The following CLVS1 variants were observed in gnomAD, a reference collection of about 807,000 sequenced individuals.
The protein encoded by CLVS1 is clavesin 1, also known as clavesin-1.
Under a neutral mutation model 33.1 loss-of-function variants are expected in CLVS1, and 10 were observed. The ratio of observed to expected loss-of-function variants is 0.30; its 90% CI spans 0.19 to 0.51. The LOEUF (loss-of-function observed/expected upper bound fraction) is 0.51. Ranked by LOEUF, CLVS1 falls within the 20% of genes least tolerant of loss-of-function variation. CLVS1 has a pLI of 0.97. For synonymous variants in CLVS1, 163 were observed against 166.1 expected, an observed-to-expected ratio of 0.98 and a Z score of 0.14; for missense variants, 343 against 433.4, an observed-to-expected ratio of 0.79 and a Z score of 1.85.
At chr8:61,484,088 G>A (rs925236062) in intron 5 of CLVS1, among the ~76,000 whole-genome samples, 2 of 152,286 alleles carry the variant, frequency 1.3e-5, no homozygotes, top group Non-Finnish European at 1.5e-5. Context: ...GGAAGTTCTG[G>A]CCAGAGCAAT....
intron 2 of CLVS1, among the ~76,000 whole-genome samples, chr8:61,139,232 G>A (rs933148763): frequency 6.6e-6 from 1 of 152,178 alleles, no homozygotes; most frequent in Admixed American, 6.5e-5. Context: ...AGACACGAAC[G>A]AGGGAGCGCC....
chr8:61,112,123 A>G (rs1805638195), intron 1 of CLVS1, among the ~76,000 whole-genome samples: 1 of 151,946 alleles, frequency 6.6e-6, no homozygotes, highest in Non-Finnish European at 1.5e-5. Flanking sequence ...AATAAGCATG[A>G]TCTGCATTCC....
chr8:61,142,579 A>T (rs1393760475), intron 2 of CLVS1, among the ~76,000 whole-genome samples: 1 of 152,226 alleles, frequency 6.6e-6, no homozygotes, highest in African/African-American at 2.4e-5. Flanking sequence ...AAGCATATCA[A>T]GTTGAGGCTA....
chr8:61,116,150 T>A (rs1263668187), intron 1 of CLVS1, among the ~76,000 whole-genome samples: 3 of 152,042 alleles, frequency 2.0e-5, no homozygotes, highest in Admixed American at 6.6e-5. Flanking sequence ...TTTTCATGTG[T>A]TTTTGGCTGC....
At chr8:61,110,024 C>G (rs1345494407) in intron 1 of CLVS1, among the ~76,000 whole-genome samples, 1 of 152,184 alleles carries the variant, frequency 6.6e-6, no homozygotes, top group Non-Finnish European at 1.5e-5. Flanking sequence ...AAGACATTAG[C>G]CTCACTTCAT....
At chr8:61,292,385 CG>C (rs1810026568) in intron 1 of CLVS1, 1 of 456,058 alleles carries the variant, frequency 2.2e-6, no homozygotes, top group African/African-American at 2.0e-5. Flanking sequence ...AGAAGGGTCA[CG>C]GTTACATGGA....
At chr8:61,216,189 A>G (rs1449041410) in intron 2 of CLVS1, among the ~76,000 whole-genome samples, 1 of 152,168 alleles carries the variant, frequency 6.6e-6, no homozygotes, top group Non-Finnish European at 1.5e-5. Flanking sequence ...TCACAGGATA[A>G]TAGATGAAAT....
chr8:60,991,579 C>T, the CLVS1 span, among the ~76,000 whole-genome samples: 2 of 152,188 alleles, frequency 1.3e-5, no homozygotes, highest in Non-Finnish European at 2.9e-5. Context: ...CAGTCTGCTT[C>T]TGTGTCCTCT....
intron 4 of CLVS1, among the ~76,000 whole-genome samples, chr8:61,456,642 C>T (rs1018258981): frequency 3.9e-5 from 6 of 151,978 alleles, no homozygotes; most frequent in Admixed American, 1.3e-4. Context: ...ATAGGCTGGG[C>T]GCGGTGGCTC....
At chr8:61,068,408 GAC>G (rs1287443012) in intron 1 of CLVS1, among the ~76,000 whole-genome samples, 1 of 151,924 alleles carries the variant, frequency 6.6e-6, no homozygotes, top group Non-Finnish European at 1.5e-5. Flanking sequence ...AAGAAGGAGA[GAC>G]ACACACAGCA....
At chr8:61,480,914 T>A (rs939351940) in intron 5 of CLVS1, among the ~76,000 whole-genome samples, 1 of 152,138 alleles carries the variant, frequency 6.6e-6, no homozygotes, top group Non-Finnish European at 1.5e-5. Context: ...GGTAGTGTGA[T>A]CCGCACTTCT....
At chr8:61,201,186 A>T (rs1168756751) in intron 2 of CLVS1, among the ~76,000 whole-genome samples, 1 of 152,214 alleles carries the variant, frequency 6.6e-6, no homozygotes, top group Non-Finnish European at 1.5e-5. Context: ...TGTATCTCTT[A>T]TCATCTAAGG....
chr8:61,030,455 G>C, the CLVS1 span, among the ~76,000 whole-genome samples: 1 of 150,186 alleles, frequency 6.7e-6, no homozygotes, highest in Non-Finnish European at 1.5e-5. Context: ...TTGGTTATAG[G>C]GAAATAAAGG....
chr8:61,348,331 T>G (rs1812311118), intron 2 of CLVS1, among the ~76,000 whole-genome samples: 3 of 70,748 alleles, frequency 4.2e-5, no homozygotes, highest in Admixed American at 2.1e-4. Flanking sequence ...GGGCCTGTCA[T>G]GGAGTGGGGG....
chr8:60,966,221 C>A, the CLVS1 span: 1 of 366,660 alleles, frequency 2.7e-6, no homozygotes, highest in Non-Finnish European at 5.4e-6. Context: ...ACAAGTGGTA[C>A]CCTAACTAGC....
intron 2 of CLVS1, among the ~76,000 whole-genome samples, chr8:61,260,589 T>C (rs1809182449): frequency 6.6e-6 from 1 of 152,138 alleles, no homozygotes. Context: ...TATTGGTTAA[T>C]AGGATCTGGA....
chr8:61,111,300 C>T (rs1196778191), intron 1 of CLVS1, among the ~76,000 whole-genome samples: 1 of 151,998 alleles, frequency 6.6e-6, no homozygotes, highest in Non-Finnish European at 1.5e-5. Context: ...TTTTAAATGA[C>T]AGTTGATTGC....
chr8:61,459,517 C>T (rs1193843975), intron 5 of CLVS1, among the ~76,000 whole-genome samples: 2 of 146,288 alleles, frequency 1.4e-5, no homozygotes, highest in South Asian at 2.4e-4. Context: ...CTCTTCCCCC[C>T]AAGTCCCCAA....
At chr8:60,973,053 T>A in the CLVS1 span, among the ~76,000 whole-genome samples, 1 of 152,150 alleles carries the variant, frequency 6.6e-6, no homozygotes, top group African/African-American at 2.4e-5. Flanking sequence ...CAGTGTTGCT[T>A]CTGTTGGTCA....
Sources: gnomAD v4.1 joint callset for allele counts (sites outside exome capture counted in the v4.1 genomes callset) on GRCh38, gnomAD v4.1.1 for gene constraint, MANE v1.5 for transcripts, NCBI Gene and HGNC (gene_info 2026-07-23, HGNC 2026-07-21) for gene names.